The following GRAMD1A variants were observed in gnomAD, a reference collection of about 807,000 sequenced individuals.
The protein encoded by GRAMD1A is protein Aster-A.
In GRAMD1A, 50 loss-of-function variants were observed where a neutral mutation model predicts 92.0. The observed-to-expected ratio is 0.54, with a 90% CI of 0.43 to 0.69. GRAMD1A has a LOEUF of 0.69. Ranked by LOEUF, GRAMD1A falls within the 30% of genes least tolerant of loss-of-function variation. The probability of loss-of-function intolerance (pLI) is 0.00; values close to 1 mark genes in which losing one functional copy is unlikely to be tolerated. For missense variants in GRAMD1A, 819 were observed against 978.9 expected, an observed-to-expected ratio of 0.84 and a Z score of 2.18; for synonymous variants, 405 against 403.6, an observed-to-expected ratio of 1.00 and a Z score of -0.04.
upstream of GRAMD1A, chr19:34,996,329 C>T (rs2014036460): frequency 1.4e-6 from 2 of 1,453,070 alleles, no homozygotes; most frequent in Non-Finnish European, 1.8e-6. Context: ...GAGGGTCTCT[C>T]TGTCTAGGGA....
chr19:35,006,587 G>C (rs2014833420), intron 1 of GRAMD1A, among the ~76,000 whole-genome samples: 1 of 152,226 alleles, frequency 6.6e-6, no homozygotes. Flanking sequence ...GGAGTGTCCT[G>C]TTTGTTCAGT....
In GRAMD1A at chr19:35,009,344, AGGTG is replaced by A; in HGVS notation, c.219+18_219+21del. The A allele has an allele frequency of 6.2e-7, 1 of 1,613,748 alleles. No individual in the cohort carries two copies. The highest frequency in any genetic ancestry group is 8.5e-7 in the Non-Finnish European group (1 of 1,179,706). ...GCAACAGCAAGGTTGGTGCAAGCCC[AGGTG>A]GGGTGGGGAGAGGGCTAGTGGGGGC... On this transcript the variant is annotated intron_variant, in intron 2 of 19. Transcript: ENST00000317991.
upstream of GRAMD1A, among the ~76,000 whole-genome samples, chr19:34,997,205 G>A (rs948205612): frequency 6.6e-6 from 1 of 151,946 alleles, no homozygotes. Flanking sequence ...GAGGCACCCG[G>A]CCGCAATCAG....
Position 35,024,113 on chromosome 19 carries a change from G to T in GRAMD1A, c.2082+566G>T, listed in dbSNP as rs1159096762. 2.6e-5 allele frequency among the ~76,000 whole-genome samples: 4 copies of T among 152,206 alleles called. No homozygotes were observed. The East Asian group carries it at 7.7e-4, about 29-fold the overall frequency. ...GACCCAGACACCCAGTGTAGTTCAG[G>T]GACAATGTCTACTCAGACAACCAGG... On this transcript the variant is annotated intron_variant, in intron 19 of 19. Coordinates refer to ENST00000317991, the MANE Select transcript of GRAMD1A (RefSeq NM_020895.5).
chr19:35,025,821 G>A (rs2016391997), intron 19 of GRAMD1A, among the ~76,000 whole-genome samples: 2 of 152,178 alleles, frequency 1.3e-5, no homozygotes, highest in African/African-American at 4.8e-5. Flanking sequence ...GCCAGGATTT[G>A]AACCTAGGCC....
At position 35,021,993 on chromosome 19, in the gene GRAMD1A, G is replaced by A; in HGVS notation, c.1796G>A (p.Gly599Asp). The change falls in exon 16 of 20, where the codon GGC (glycine) becomes GAC (aspartate). Residue 599 changes from glycine to aspartate, a missense_variant. Coordinates refer to ENST00000317991, the MANE Select transcript of GRAMD1A (RefSeq NM_020895.5). This position sits in a 1 kb window ranked among gnomAD's most constrained non-coding sequence, Gnocchi z 5.3. ...TTCTCCGAACCATCTGTGGACCAGG[G>A]CCCCGGGGCAGGCATCCCCAGTGCC... ...SRFSEPSVDQGPGAGIPSALV... is the reference protein window; with the variant it reads ...SRFSEPSVDQDPGAGIPSALV... The A allele has an allele frequency of 1.9e-6, 3 of 1,614,116 alleles. No individual in the cohort carries two copies. The highest frequency in any genetic ancestry group is 8.5e-7 in the Non-Finnish European group (1 of 1,179,994).
Position 35,010,266 on chromosome 19 carries a change from C to T in GRAMD1A, c.430-18C>T. 6.2e-7 allele frequency: 1 copy of T among 1,603,312 alleles called. No homozygotes were observed. Among genetic ancestry groups the T allele is most frequent in the Non-Finnish European group, 8.5e-7 (1 of 1,170,064 alleles). On this transcript the variant is annotated intron_variant, in intron 5 of 19. Coordinates refer to ENST00000317991, the MANE Select transcript of GRAMD1A (RefSeq NM_020895.5). ...CCAGGCCCCACCCCGCTCCTATTGA[C>T]CCTCCTGCTGTCCTCAGATCTCCAT...
At chr19:35,010,051 C>G (rs200421394) in intron 4 of GRAMD1A, 41 bp from the exon 5 acceptor site, 10 of 1,537,278 alleles carry the variant, frequency 6.5e-6, no homozygotes, top group South Asian at 1.1e-5. Context: ...GGCTGAGCCT[C>G]GTGACTTGGG....
intron 1 of GRAMD1A, among the ~76,000 whole-genome samples, chr19:35,004,218 G>A (rs1032477038): frequency 1.3e-5 from 2 of 152,062 alleles, no homozygotes; most frequent in Non-Finnish European, 2.9e-5. Flanking sequence ...CCAGGAGTTC[G>A]GAGCTGCCGT....
intron 3 of GRAMD1A, chr19:35,009,671 G>A (rs1032762865): frequency 1.9e-5 from 12 of 638,046 alleles, no homozygotes; most frequent in Non-Finnish European, 3.1e-5. Context: ...AGGCTGAAGG[G>A]AACATTGAAT....
At chr19:34,995,518 A>G (rs2013988763), upstream of GRAMD1A, among the ~76,000 whole-genome samples, 1 of 142,160 alleles carries the variant, frequency 7.0e-6, no homozygotes, top group Admixed American at 7.0e-5. Context: ...TAAGGGAATG[A>G]GGTTAGCAGG....
chr19:35,000,643 G>T lies in GRAMD1A; in HGVS notation c.8+157G>T, dbSNP rs1600266830. On this transcript the variant is annotated intron_variant, in intron 1 of 19. Coordinates refer to ENST00000317991, the MANE Select transcript of GRAMD1A (RefSeq NM_020895.5). This position sits in a 1 kb window ranked among gnomAD's most constrained non-coding sequence, Gnocchi z 4.9. ...GCCGGGGCGATCGGGGTGGGGGCGG[G>T]GCAGGGGGCCCCCGGGCGAGGGGTG... Among the ~76,000 whole-genome samples, 1 of 151,408 alleles carries T rather than the reference G, an allele frequency of 6.6e-6. No individual in the cohort carries two copies. The highest frequency in any genetic ancestry group is 2.0e-4 in the East Asian group (1 of 5,108).
intron 1 of GRAMD1A, among the ~76,000 whole-genome samples, chr19:35,003,160 G>A (rs2014532118): frequency 8.8e-6 from 1 of 113,272 alleles, no homozygotes; most frequent in African/African-American, 2.9e-5. Flanking sequence ...GTGTGTGTGT[G>A]TGTGTGTGTG....
chr19:35,019,569 G>T lies in GRAMD1A; in HGVS notation c.1475+36G>T, dbSNP rs376255540. On this transcript the variant is annotated intron_variant, in intron 13 of 19. Coordinates refer to ENST00000317991, the MANE Select transcript of GRAMD1A (RefSeq NM_020895.5). ...GCTGGGCCCCTCCACCCGATGCCCT[G>T]GTGGCCCCAGGGCCTCCTGTCCACT... is the stretch of plus-strand genomic sequence containing the variant. The T allele has an allele frequency of 6.0e-5, 96 of 1,604,862 alleles. 1 individual carries two copies. The African/African-American group carries it at 1.2e-3, about 20-fold the overall frequency.
At chr19:34,995,570 G>GTTTTTTTTTTTTTTTTTTTTTTTTTTTT (rs1173583059), upstream of GRAMD1A, among the ~76,000 whole-genome samples, 2 of 80,956 alleles carry the variant, frequency 2.5e-5, no homozygotes. Context: ...TCAGATCACG[G>GTTTTTTTTTTTTTTTTTTTTTTTTTTTT]GTTTTTTTTT....
At chr19:35,019,335 G>C (rs1353646636) in intron 12 of GRAMD1A, 26 bp downstream of exon 12, 1 of 1,612,708 alleles carries the variant, frequency 6.2e-7, no homozygotes, top group African/African-American at 1.3e-5. Context: ...CAGCCGAGTG[G>C]GTGGGGCAGC....
intron 11 of GRAMD1A, among the ~76,000 whole-genome samples, chr19:35,017,014 TA>T (rs566239564): frequency 1.5e-3 from 215 of 139,804 alleles, no homozygotes; most frequent in Non-Finnish European, 2.2e-3. Context: ...TTTACAAAAA[TA>T]AAAAAAAAAA....
In GRAMD1A at chr19:35,010,212, G is replaced by T; in HGVS notation, c.429+17G>T. 1 of 1,599,326 alleles carries T rather than the reference G, an allele frequency of 6.3e-7. No individual in the cohort carries two copies. The highest frequency in any genetic ancestry group is 8.6e-7 in the Non-Finnish European group (1 of 1,166,520). Reference sequence around the variant, plus strand: ...GAGACCACGGTGAGCCCGCAGCGGGGCAGGGTACAGGGGCGGGGGCCCCCA... The same window carrying T: ...GAGACCACGGTGAGCCCGCAGCGGGTCAGGGTACAGGGGCGGGGGCCCCCA... On this transcript the variant is annotated intron_variant, in intron 5 of 19. Transcript: ENST00000317991.
At chr19:35,024,068 C>T (rs1175738441) in intron 19 of GRAMD1A, among the ~76,000 whole-genome samples, 3 of 152,236 alleles carry the variant, frequency 2.0e-5, no homozygotes, top group Admixed American at 6.5e-5. Flanking sequence ...GACCTGAGGT[C>T]TCATCTCCAA....
Sources: allele counts gnomAD v4.1 joint callset (sites outside exome capture counted in the v4.1 genomes callset), GRCh38; gene constraint gnomAD v4.1.1; non-coding constraint Gnocchi (gnomAD v3.1); transcripts MANE v1.5; gene names NCBI Gene and HGNC (gene_info 2026-07-23, HGNC 2026-07-21).